Variants in NLN observed in about 807,000 individuals in gnomAD.
NLN encodes neurolysin.
Under a neutral mutation model 79.9 loss-of-function variants are expected in NLN, and 64 were observed. The ratio of observed to expected loss-of-function variants is 0.80; its 90% CI spans 0.65 to 0.99. The LOEUF (loss-of-function observed/expected upper bound fraction) is 0.99. NLN is among the 50% of genes least tolerant of loss of function. The pLI, the probability that NLN is intolerant of heterozygous loss-of-function variation, is 0.00. For missense variants in NLN, 835 were observed against 858.7 expected (o/e 0.97, Z 0.34); for synonymous variants, 267 against 296.6 (o/e 0.90, Z 1.02).
At chr5:65,792,880 C>T (rs1222775722) in intron 9 of NLN, 1 of 594,020 alleles carries the variant, frequency 1.7e-6, no homozygotes, top group Middle Eastern at 2.7e-4. Flanking sequence ...TGAATAACAG[C>T]CTATGGAAAA....
intron 9 of NLN, among the ~76,000 whole-genome samples, chr5:65,795,791 T>C (rs1242653412): frequency 6.6e-6 from 1 of 152,252 alleles, no homozygotes; most frequent in East Asian, 1.9e-4. Context: ...ACATTTCCTT[T>C]AATTAGGATA....
chr5:65,722,344 G>T lies in NLN; in HGVS notation c.-30G>T, dbSNP rs1394009732. On this transcript the variant is annotated 5_prime_UTR_variant, in exon 1 of 13. Transcript: ENST00000380985. ...GCCGCCCCACGCCGAAGGACCACGC[G>T]CCCGCCGCCGCCAGCCTCTCAGCGC... 3 of 1,535,930 alleles carry T rather than the reference G, an allele frequency of 2.0e-6. No individual in the cohort carries two copies. The highest frequency in any genetic ancestry group is 1.8e-4 in the Middle Eastern group (1 of 5,592).
At chr5:65,724,362 C>A (rs556340707) in intron 1 of NLN, among the ~76,000 whole-genome samples, 2 of 152,212 alleles carry the variant, frequency 1.3e-5, no homozygotes, top group South Asian at 2.1e-4. Flanking sequence ...TGTCCTTTTG[C>A]GTCTGGTTTA....
At chr5:65,778,360 A>G (rs1693124980) in intron 4 of NLN, among the ~76,000 whole-genome samples, 1 of 152,194 alleles carries the variant, frequency 6.6e-6, no homozygotes, top group Non-Finnish European at 1.5e-5. Context: ...AGGACTGGAA[A>G]TAAGTTTGGA....
chr5:65,724,104 CT>C (rs988858950), intron 1 of NLN, among the ~76,000 whole-genome samples: 6 of 132,494 alleles, frequency 4.5e-5, no homozygotes, highest in African/African-American at 1.4e-4. Context: ...GGTTTTTTCC[CT>C]TTTTTTTAAA....
intron 9 of NLN, among the ~76,000 whole-genome samples, chr5:65,804,017 A>C (rs761698813): frequency 3.3e-5 from 5 of 152,264 alleles, no homozygotes; most frequent in Non-Finnish European, 7.3e-5. Context: ...ATAAAGAAGA[A>C]GTCAAATTTC....
At chr5:65,722,692 A>G (rs1758346314) in intron 1 of NLN, 1 of 479,876 alleles carries the variant, frequency 2.1e-6, no homozygotes, top group Non-Finnish European at 3.7e-6. Context: ...CGCGGCCCAA[A>G]ATGAATGCAA....
At chr5:65,794,263 A>C (rs115946395) in intron 9 of NLN, among the ~76,000 whole-genome samples, 1 of 152,208 alleles carries the variant, frequency 6.6e-6, no homozygotes, top group Admixed American at 6.5e-5. Flanking sequence ...TCTCACTTCA[A>C]CTTACACAGT....
chr5:65,774,863 T>TAC (rs1417578232), intron 3 of NLN, among the ~76,000 whole-genome samples: 2 of 151,938 alleles, frequency 1.3e-5, no homozygotes, highest in African/African-American at 2.4e-5. Context: ...TAGCTGGAAT[T>TAC]ACACACACAT....
chr5:65,735,883 C>T (rs1037052319), intron 1 of NLN, among the ~76,000 whole-genome samples: 2 of 152,144 alleles, frequency 1.3e-5, no homozygotes, highest in African/African-American at 4.8e-5. Flanking sequence ...TTATTTGGAA[C>T]ATTCTTTTCT....
At chr5:65,791,345 G>A (rs1429834617) in intron 8 of NLN, among the ~76,000 whole-genome samples, 1 of 152,156 alleles carries the variant, frequency 6.6e-6, no homozygotes, top group Non-Finnish European at 1.5e-5. Context: ...ATCACCTGAG[G>A]TCAGGAGTTT....
At chr5:65,735,887 C>A (rs372173604) in intron 1 of NLN, among the ~76,000 whole-genome samples, 1 of 152,134 alleles carries the variant, frequency 6.6e-6, no homozygotes, top group African/African-American at 2.4e-5. Flanking sequence ...TTGGAACATT[C>A]TTTTCTTTCT....
intron 3 of NLN, among the ~76,000 whole-genome samples, chr5:65,764,562 G>C (rs745703693): frequency 4.6e-5 from 7 of 152,114 alleles, no homozygotes; most frequent in Admixed American, 2.6e-4. Context: ...TATAGTTTTG[G>C]GATTGATCCC....
intron 1 of NLN, among the ~76,000 whole-genome samples, chr5:65,744,715 A>T (rs1758938610): frequency 6.6e-6 from 1 of 152,154 alleles, no homozygotes; most frequent in Non-Finnish European, 1.5e-5. Flanking sequence ...CCTGGCCAAC[A>T]TGGTGAAACC....
intron 1 of NLN, 148 bp downstream of exon 1, chr5:65,722,562 CTG>C: frequency 1.4e-6 from 1 of 700,910 alleles, no homozygotes; most frequent in Non-Finnish European, 2.2e-6. Flanking sequence ...AGGTGGACCC[CTG>C]GGGGACACCT....
intron 4 of NLN, among the ~76,000 whole-genome samples, chr5:65,778,118 C>T (rs1231798606): frequency 2.6e-5 from 4 of 152,034 alleles, no homozygotes; most frequent in African/African-American, 9.7e-5. Flanking sequence ...AAATCCTTAC[C>T]GATGGAGAGT....
chr5:65,793,204 A>G (rs998960127), intron 9 of NLN: 4 of 199,840 alleles, frequency 2.0e-5, no homozygotes, highest in African/African-American at 9.6e-5. Flanking sequence ...ATTTCTGAAA[A>G]TAAAAAGTAC....
At chr5:65,736,139 A>C (rs1384752231) in intron 1 of NLN, among the ~76,000 whole-genome samples, 2 of 152,180 alleles carry the variant, frequency 1.3e-5, no homozygotes, top group Non-Finnish European at 2.9e-5. Flanking sequence ...AGAGATAACC[A>C]CAGTCTTGAA....
chr5:65,821,160 G>A (rs1043558767), intron 12 of NLN, among the ~76,000 whole-genome samples: 6 of 152,090 alleles, frequency 3.9e-5, no homozygotes, highest in East Asian at 3.8e-4. Context: ...AGCCCTCGTC[G>A]TCAGGTTTGG....
Sources: allele counts gnomAD v4.1 joint callset (sites outside exome capture counted in the v4.1 genomes callset), GRCh38; gene constraint gnomAD v4.1.1; transcripts MANE v1.5; gene names NCBI Gene and HGNC (gene_info 2026-07-23, HGNC 2026-07-21).